Variants in SPAG6 observed in about 807,000 individuals in gnomAD.
SPAG6 encodes sperm-associated antigen 6.
SPAG6 carries 49 observed loss-of-function variants against 58.5 expected under a neutral mutation model. That is an observed-to-expected ratio of 0.84 (90% CI 0.67 to 1.06). The LOEUF is 1.06. Ranked by LOEUF, SPAG6 falls within the 50% of genes least tolerant of loss-of-function variation. The pLI is 0.00. For synonymous variants in SPAG6, 233 were observed against 225.6 expected (o/e 1.03, Z -0.29); for missense variants, 560 against 611.3 (o/e 0.92, Z 0.89).
intron 4 of SPAG6, 62 bp downstream of exon 4, chr10:22,368,740 G>T: frequency 7.5e-7 from 1 of 1,326,708 alleles, no homozygotes; most frequent in Non-Finnish European, 1.0e-6. Context: ...GATTTATTAG[G>T]TAAATCCAGT....
intron 2 of SPAG6, among the ~76,000 whole-genome samples, chr10:22,356,863 A>T (rs906435348): frequency 4.6e-5 from 7 of 152,120 alleles, no homozygotes; most frequent in Non-Finnish European, 1.0e-4. Context: ...CTGTAATCAG[A>T]GTGATCCTTC....
At chr10:22,346,361 G>GGGGAGAGA (rs1320848449) in intron 2 of SPAG6, among the ~76,000 whole-genome samples, 1 of 151,934 alleles carries the variant, frequency 6.6e-6, no homozygotes, top group East Asian at 1.9e-4. Flanking sequence ...GATGTGAGAG[G>GGGGAGAGA]GGGAGAGAGG....
chr10:22,395,572 GTTAT>G (rs1834274904), intron 8 of SPAG6, among the ~76,000 whole-genome samples: 1 of 152,024 alleles, frequency 6.6e-6, no homozygotes, highest in African/African-American at 2.4e-5. Flanking sequence ...TTTAAACTGG[GTTAT>G]TTATCTTTTT....
chr10:22,413,066 C>CAAAAAATAAAAAAAAAAAAAAAAAA (rs1834779296), intron 10 of SPAG6: 1 of 43,316 alleles, frequency 2.3e-5, no homozygotes, highest in African/African-American at 8.7e-5. Context: ...CAGAAAGATG[C>CAAAAAATAAAAAAAAAAAAAAAAAA]AAAAAAAAAA....
At chr10:22,387,691 T>C in intron 5 of SPAG6, 132 bp from the exon 6 acceptor site, 2 of 756,024 alleles carry the variant, frequency 2.6e-6, no homozygotes, top group Non-Finnish European at 3.8e-6. Context: ...AATCTTAGGC[T>C]GTTTAGGCAT....
intron 2 of SPAG6, among the ~76,000 whole-genome samples, chr10:22,362,288 T>C (rs1837068314): frequency 6.7e-6 from 1 of 150,314 alleles, no homozygotes; most frequent in African/African-American, 2.4e-5. Context: ...AAAAATAACA[T>C]GAAACTTAAT....
chr10:22,400,415 G>A (rs1486620687), intron 8 of SPAG6, among the ~76,000 whole-genome samples: 3 of 152,098 alleles, frequency 2.0e-5, no homozygotes, highest in Non-Finnish European at 4.4e-5. Context: ...CCTGAGGGCT[G>A]GCTGCTGTGA....
At chr10:22,409,368 A>G (rs777345829) in intron 9 of SPAG6, among the ~76,000 whole-genome samples, 1 of 152,180 alleles carries the variant, frequency 6.6e-6, no homozygotes, top group African/African-American at 2.4e-5. Context: ...CAGCTGATTT[A>G]TATTATTGCT....
At position 22,401,286 on chromosome 10, in the gene SPAG6, T is replaced by G; in HGVS notation, c.1314+9T>G. 7.7e-7 allele frequency: 1 copy of G among 1,290,478 alleles called. No individual in the cohort carries two copies. Among genetic ancestry groups the G allele is most frequent in the Non-Finnish European group, 1.1e-6 (1 of 888,672 alleles). The allele number at this position is 1,290,478 out of a possible 1,614,324, so 79.9% of individuals were successfully genotyped here. On this transcript the variant is annotated intron_variant, in intron 9 of 10. Coordinates refer to ENST00000376624, the MANE Select transcript of SPAG6 (RefSeq NM_012443.4). ...TTGGACAGTTCAGTAAGGTAAGAAATGCCAGCCTCTAAGGGGAGGAAGAAA... is the reference window on the plus strand; with the variant it reads ...TTGGACAGTTCAGTAAGGTAAGAAAGGCCAGCCTCTAAGGGGAGGAAGAAA...
intron 9 of SPAG6, among the ~76,000 whole-genome samples, chr10:22,402,850 G>C (rs754253110): frequency 1.3e-5 from 2 of 152,178 alleles, no homozygotes; most frequent in Non-Finnish European, 2.9e-5. Flanking sequence ...TAAGGGGTAA[G>C]GGGCTGAGTA....
chr10:22,382,758 T>G (rs1002478736), intron 4 of SPAG6, among the ~76,000 whole-genome samples: 5 of 152,214 alleles, frequency 3.3e-5, no homozygotes, highest in Non-Finnish European at 7.3e-5. Flanking sequence ...ATTTTACATT[T>G]GTTTATTTCT....
intron 9 of SPAG6, among the ~76,000 whole-genome samples, chr10:22,402,382 T>C (rs192063062): frequency 6.6e-6 from 1 of 152,328 alleles, no homozygotes; most frequent in Non-Finnish European, 1.5e-5. Context: ...TTTCTACAAA[T>C]AATGAACAAA....
Position 22,411,151 on chromosome 10 carries a change from AG to A in SPAG6, c.1436del (p.Ser479IlefsTer7). 6.2e-7 allele frequency: 1 copy of A among 1,612,292 alleles called. No homozygotes were observed. Reference protein sequence around the residue: ...LLQEYINSINSCYPEEIVRYY... With the variant: ...LLQEYINSINXCYPEEIVRYY... ...TCAAGAATACATCAACAGTATTAAC[AG>A]TTGTTACCCCGAGGAAATAGTGAGG... is the stretch of plus-strand genomic sequence containing the variant. On this transcript the variant is annotated frameshift_variant, in exon 10 of 11. Coordinates refer to ENST00000376624, the MANE Select transcript of SPAG6 (RefSeq NM_012443.4). LOFTEE classifies it high-confidence loss of function.
intron 9 of SPAG6, among the ~76,000 whole-genome samples, chr10:22,408,796 G>C (rs1015382143): frequency 6.6e-6 from 1 of 151,474 alleles, no homozygotes; most frequent in Non-Finnish European, 1.5e-5. Context: ...AGACTCTGTG[G>C]GGGTAGGACC....
intron 2 of SPAG6, chr10:22,360,685 G>A (rs966284964): frequency 7.7e-6 from 4 of 517,004 alleles, no homozygotes; most frequent in Non-Finnish European, 1.3e-5. Flanking sequence ...TTTTAGTATT[G>A]GATATAATAT....
At chr10:22,376,803 G>A (rs772707732) in intron 4 of SPAG6, among the ~76,000 whole-genome samples, 2 of 152,034 alleles carry the variant, frequency 1.3e-5, no homozygotes, top group Non-Finnish European at 2.9e-5. Flanking sequence ...AAAGATAAGA[G>A]GCCAGGCACA....
At chr10:22,401,426 C>T (rs1325431400) in intron 9 of SPAG6, 149 bp downstream of exon 9, 1 of 594,902 alleles carries the variant, frequency 1.7e-6, no homozygotes, top group Non-Finnish European at 3.0e-6. Flanking sequence ...AGAGAAGTTA[C>T]CTTAATAAAA....
At chr10:22,371,688 T>C (rs1833700489) in intron 4 of SPAG6, among the ~76,000 whole-genome samples, 2 of 152,184 alleles carry the variant, frequency 1.3e-5, no homozygotes, top group South Asian at 4.1e-4. Flanking sequence ...AATCTTAAAT[T>C]GAGATGCAAA....
intron 4 of SPAG6, among the ~76,000 whole-genome samples, chr10:22,380,001 C>T (rs1833912422): frequency 6.6e-6 from 1 of 151,970 alleles, no homozygotes; most frequent in East Asian, 1.9e-4. Context: ...TCTCTGTTTC[C>T]CATGCTGGTC....
Sources: allele counts gnomAD v4.1 joint callset (sites outside exome capture counted in the v4.1 genomes callset), GRCh38; gene constraint gnomAD v4.1.1; transcripts MANE v1.5; gene names NCBI Gene and HGNC (gene_info 2026-07-23, HGNC 2026-07-21).